Variants in IL1RAPL1 observed in about 807,000 individuals in gnomAD.
IL1RAPL1 encodes the protein interleukin-1 receptor accessory protein-like 1.
In IL1RAPL1, 3 loss-of-function variants were observed where a neutral mutation model predicts 48.4. That is an observed-to-expected ratio of 0.06 (90% CI 0.03 to 0.16). The LOEUF (loss-of-function observed/expected upper bound fraction) is 0.16. Ranked by LOEUF, IL1RAPL1 falls within the 10% of genes least tolerant of loss-of-function variation. IL1RAPL1 has a pLI of 1.00. For missense variants in IL1RAPL1, 349 were observed against 530.6 expected (o/e 0.66, Z 3.36); for synonymous variants, 185 against 187.7 (o/e 0.99, Z 0.12).
chrX:29,920,074 G>A lies in IL1RAPL1; in HGVS notation c.1037G>A (p.Ser346Asn), dbSNP rs770839799. 3.4e-5 allele frequency: 41 copies of A among 1,210,094 alleles called. No individual in the cohort carries two copies. In the South Asian group the frequency reaches 6.5e-4, roughly 19 times the overall value. ...VENGNGRRHA[S>N]VLLHKRELMY... ...AATGGAAATGGACGTCGACACGCCA[G>A]CGTTCTCCTTCATAAACGAGGTGAG... The change falls in exon 8 of 11, where the codon AGC (serine) becomes AAC (asparagine). Residue 346 changes from serine (S) to asparagine (N), a missense_variant. Physicochemically the swap from Ser to Asn is conservative, Grantham distance 46. Coordinates refer to ENST00000378993, the MANE Select transcript of IL1RAPL1 (RefSeq NM_014271.4).
intron 6 of IL1RAPL1, among the ~76,000 whole-genome samples, chrX:29,791,493 G>A (rs1365597881): frequency 2.9e-5 from 3 of 103,468 alleles, no homozygotes; most frequent in African/African-American, 1.1e-4. Flanking sequence ...GCGTGATCTC[G>A]GCTCACTGCA....
intron 5 of IL1RAPL1, among the ~76,000 whole-genome samples, chrX:29,626,913 G>C (rs1015917359): frequency 1.8e-5 from 2 of 112,023 alleles, no homozygotes. Flanking sequence ...TTATAATATA[G>C]AATGTAAATA....
At chrX:28,996,840 G>A (rs1292795610) in intron 2 of IL1RAPL1, among the ~76,000 whole-genome samples, 1 of 110,950 alleles carries the variant, frequency 9.0e-6, no homozygotes. Flanking sequence ...ATAATTCTGA[G>A]CATCTTTTTG....
intron 3 of IL1RAPL1, among the ~76,000 whole-genome samples, chrX:29,330,441 G>A (rs988311352): frequency 9.0e-6 from 1 of 111,591 alleles, no homozygotes; most frequent in Non-Finnish European, 1.9e-5. Context: ...GTGGCAGGCG[G>A]CGTCTTTAAA....
At chrX:29,099,392 G>T (rs1928285006) in intron 2 of IL1RAPL1, among the ~76,000 whole-genome samples, 2 of 111,731 alleles carry the variant, frequency 1.8e-5, no homozygotes, top group African/African-American at 6.5e-5. Context: ...TACTATTATA[G>T]GTAGTGTTTG....
At chrX:29,663,161 G>A (rs970288026) in intron 5 of IL1RAPL1, among the ~76,000 whole-genome samples, 2 of 112,208 alleles carry the variant, frequency 1.8e-5, no homozygotes, top group Admixed American at 1.9e-4. Context: ...GAGTCATTCA[G>A]AGGTTGAAGC....
At chrX:29,123,299 G>A (rs1215224751) in intron 2 of IL1RAPL1, among the ~76,000 whole-genome samples, 1 of 111,210 alleles carries the variant, frequency 9.0e-6, no homozygotes, top group African/African-American at 3.3e-5. Flanking sequence ...CAAAGTGTTG[G>A]GATTACACCC....
intron 2 of IL1RAPL1, among the ~76,000 whole-genome samples, chrX:29,248,002 A>G (rs1190178142): frequency 1.8e-5 from 2 of 111,686 alleles, no homozygotes; most frequent in African/African-American, 6.5e-5. Context: ...GGATACTTTT[A>G]TATTGTAGAT....
In IL1RAPL1 at chrX:28,968,996, T is replaced by C. The variant is rs140532479; in HGVS notation, c.82+179571T>C. The stretch of plus-strand genomic sequence containing the variant: ...GGAACAATTGGAATTTGTTGTTTTC[T>C]ATAGTAAAAGCTGTCTATCTTATCA... On this transcript the variant is annotated intron_variant, in intron 2 of 10. Transcript: ENST00000378993. 3.5e-3 allele frequency among the ~76,000 whole-genome samples: 396 copies of C among 112,770 alleles called. 1 individual carries two copies. The highest frequency in any genetic ancestry group is 0.011 in the African/African-American group (351 of 31,116).
At chrX:29,388,106 C>CA (rs71862742) in intron 3 of IL1RAPL1, among the ~76,000 whole-genome samples, 9,576 of 51,322 alleles carry the variant, frequency 0.19, 871 homozygotes, top group African/African-American at 0.32. Context: ...AAGGTTAAGC[C>CA]AAAAAAAAAA....
At chrX:28,744,176 G>A (rs908098362) in intron 1 of IL1RAPL1, among the ~76,000 whole-genome samples, 4 of 110,168 alleles carry the variant, frequency 3.6e-5, no homozygotes, top group African/African-American at 1.3e-4. Context: ...TATGCTATAC[G>A]TTCCTGAAGG....
chrX:29,120,827 C>T lies in IL1RAPL1; in HGVS notation c.83-162111C>T, dbSNP rs144449018. Among the ~76,000 whole-genome samples, 428 of 111,418 alleles carry T rather than the reference C, an allele frequency of 3.8e-3. 2 individuals are homozygous for T. Among genetic ancestry groups the T allele is most frequent in the African/African-American group, 0.013 (388 of 30,720 alleles). On this transcript the variant is annotated intron_variant, in intron 2 of 10. Coordinates refer to ENST00000378993, the MANE Select transcript of IL1RAPL1 (RefSeq NM_014271.4). The stretch of plus-strand genomic sequence containing the variant: ...ATCCAATTTCTCTCAAGAACATAGA[C>T]GCAAAAATCCTCAACTAAATATTAC...
At chrX:29,174,787 C>T (rs1027025488) in intron 2 of IL1RAPL1, among the ~76,000 whole-genome samples, 7 of 111,676 alleles carry the variant, frequency 6.3e-5, no homozygotes, top group Non-Finnish European at 1.1e-4. Flanking sequence ...CAAAAAGATC[C>T]AGGAGACCTG....
intron 1 of IL1RAPL1, among the ~76,000 whole-genome samples, chrX:28,658,337 C>T (rs920466431): frequency 8.9e-6 from 1 of 111,860 alleles, no homozygotes; most frequent in African/African-American, 3.3e-5. Flanking sequence ...TGTGCCTCAG[C>T]CTCCTGAGTA....
At chrX:29,227,666 A>G (rs112410960) in intron 2 of IL1RAPL1, among the ~76,000 whole-genome samples, 1,674 of 112,200 alleles carry the variant, frequency 0.015, 35 homozygotes, top group African/African-American at 0.052. Context: ...TCTGGAATGA[A>G]TAATTTAATT....
intron 5 of IL1RAPL1, among the ~76,000 whole-genome samples, chrX:29,535,319 T>G (rs1165792109): frequency 4.5e-5 from 5 of 110,619 alleles, no homozygotes; most frequent in African/African-American, 1.6e-4. Flanking sequence ...TAAAAATATC[T>G]AATGCATAAA....
chrX:29,583,755 C>T (rs774502854), intron 5 of IL1RAPL1, among the ~76,000 whole-genome samples: 15 of 103,028 alleles, frequency 1.5e-4, no homozygotes, highest in South Asian at 4.5e-4. Context: ...GAGCCCGCAT[C>T]GCCAAGTCAA....
At chrX:29,295,601 G>C (rs903470721) in intron 3 of IL1RAPL1, among the ~76,000 whole-genome samples, 6 of 111,585 alleles carry the variant, frequency 5.4e-5, no homozygotes, top group African/African-American at 1.6e-4. Context: ...TAGAAATAAC[G>C]GTGGCTTAAA....
chrX:29,600,807 G>A (rs887099568), intron 5 of IL1RAPL1, among the ~76,000 whole-genome samples: 1 of 110,791 alleles, frequency 9.0e-6, no homozygotes, highest in Non-Finnish European at 1.9e-5. Flanking sequence ...TGGGATTATG[G>A]CTGCCTCTGC....
Sources: gnomAD v4.1 joint callset for allele counts (sites outside exome capture counted in the v4.1 genomes callset) on GRCh38, gnomAD v4.1.1 for gene constraint, MANE v1.5 for transcripts, NCBI Gene and HGNC (gene_info 2026-07-23, HGNC 2026-07-21) for gene names.